Variants in CSMD3 observed in about 807,000 individuals in gnomAD.
CSMD3 encodes CUB and Sushi multiple domains 3, also known as CUB and sushi domain-containing protein 3.
CSMD3 carries 177 observed loss-of-function variants against 435.2 expected under a neutral mutation model. The ratio of observed to expected loss-of-function variants is 0.41; its 90% CI spans 0.36 to 0.46. The LOEUF is 0.46. Ranked by LOEUF, CSMD3 falls within the 20% of genes least tolerant of loss-of-function variation. CSMD3 has a pLI of 0.34. For synonymous variants in CSMD3, 1,656 were observed against 1,520.5 expected (o/e 1.09, Z -2.07); for missense variants, 4,265 against 4,504.6 (o/e 0.95, Z 1.52).
intron 32 of CSMD3, among the ~76,000 whole-genome samples, chr8:112,431,604 A>C (rs1813717681): frequency 6.6e-6 from 1 of 152,104 alleles, no homozygotes; most frequent in Non-Finnish European, 1.5e-5. Flanking sequence ...TGATGGATGA[A>C]TTCTGTATAG....
At chr8:112,903,028 G>A (rs920846235) in intron 10 of CSMD3, among the ~76,000 whole-genome samples, 13 of 150,796 alleles carry the variant, frequency 8.6e-5, no homozygotes, top group South Asian at 6.2e-4. Flanking sequence ...AAATGGTTGA[G>A]GCATATATCA....
chr8:112,775,981 A>T (rs2078235787), intron 13 of CSMD3, among the ~76,000 whole-genome samples: 1 of 151,896 alleles, frequency 6.6e-6, no homozygotes, highest in Non-Finnish European at 1.5e-5. Context: ...CACATTTACA[A>T]CTTCTAGCAT....
At chr8:112,404,604 AC>A (rs1358094719) in intron 35 of CSMD3, among the ~76,000 whole-genome samples, 1 of 152,158 alleles carries the variant, frequency 6.6e-6, no homozygotes, top group African/African-American at 2.4e-5. Context: ...AAATGAATGT[AC>A]CTTCTATGTT....
At chr8:112,263,386 T>A (rs1272640800) in intron 61 of CSMD3, among the ~76,000 whole-genome samples, 1 of 152,140 alleles carries the variant, frequency 6.6e-6, no homozygotes, top group Non-Finnish European at 1.5e-5. Context: ...AGAATAAATT[T>A]AAGGCTGTCT....
chr8:113,308,677 ATAAT>A (rs963362342), intron 2 of CSMD3, among the ~76,000 whole-genome samples: 5 of 152,214 alleles, frequency 3.3e-5, no homozygotes, highest in Non-Finnish European at 5.9e-5. Context: ...TTCTATTTTG[ATAAT>A]TAATTCTTTT....
At chr8:112,390,904 T>C in intron 35 of CSMD3, 116 bp from the exon 36 acceptor site, 1 of 997,032 alleles carries the variant, frequency 1.0e-6, no homozygotes, top group Non-Finnish European at 1.5e-6. Context: ...CAAATCATAC[T>C]TTTTTCAAAA....
At chr8:113,072,111 G>T (rs1417313240) in intron 5 of CSMD3, among the ~76,000 whole-genome samples, 1 of 151,504 alleles carries the variant, frequency 6.6e-6, no homozygotes, top group Admixed American at 6.6e-5. Context: ...ATGGTTTGTT[G>T]TTTCAATATA....
chr8:112,644,531 T>A (rs1264394696), intron 20 of CSMD3, among the ~76,000 whole-genome samples: 1 of 152,026 alleles, frequency 6.6e-6, no homozygotes, highest in African/African-American at 2.4e-5. Flanking sequence ...TACTTATTTG[T>A]TTATTTGTAA....
chr8:112,351,469 T>A (rs953968108), intron 39 of CSMD3, among the ~76,000 whole-genome samples: 4 of 152,006 alleles, frequency 2.6e-5, no homozygotes, highest in East Asian at 1.9e-4. Flanking sequence ...GAAAAAATAA[T>A]ACTTCATATC....
intron 27 of CSMD3, among the ~76,000 whole-genome samples, chr8:112,535,552 C>A (rs1825990232): frequency 6.6e-6 from 1 of 151,984 alleles, no homozygotes; most frequent in African/African-American, 2.4e-5. Context: ...ACATTCCATG[C>A]TCATGGGTAG....
chr8:112,984,069 A>AG (rs1388687287), intron 6 of CSMD3, among the ~76,000 whole-genome samples: 3 of 152,022 alleles, frequency 2.0e-5, no homozygotes, highest in African/African-American at 7.2e-5. Flanking sequence ...AGCATGTTGG[A>AG]GGGGAAAAAA....
chr8:112,530,686 A>C (rs1004266730), intron 27 of CSMD3, among the ~76,000 whole-genome samples: 2 of 152,214 alleles, frequency 1.3e-5, no homozygotes. Context: ...CAGCAAACGT[A>C]CAACACAAGA....
chr8:113,120,666 G>T (rs1348037720), intron 4 of CSMD3, among the ~76,000 whole-genome samples: 1 of 152,092 alleles, frequency 6.6e-6, no homozygotes, highest in Non-Finnish European at 1.5e-5. Context: ...CAAAATTATA[G>T]CTAATCAGTA....
intron 7 of CSMD3, among the ~76,000 whole-genome samples, chr8:112,962,693 T>C (rs1216033112): frequency 6.6e-6 from 1 of 151,966 alleles, no homozygotes; most frequent in East Asian, 1.9e-4. Flanking sequence ...ATAGATGGGT[T>C]CTGATGGTTG....
chr8:113,316,241 G>A (rs1281162212), intron 1 of CSMD3, among the ~76,000 whole-genome samples: 1 of 152,122 alleles, frequency 6.6e-6, no homozygotes, highest in African/African-American at 2.4e-5. Context: ...GCCAGAAGCT[G>A]TAAATCAGAG....
chr8:113,058,347 T>A (rs2088443688), intron 5 of CSMD3, among the ~76,000 whole-genome samples: 1 of 151,984 alleles, frequency 6.6e-6, no homozygotes, highest in African/African-American at 2.4e-5. Context: ...TAAAGTTAAA[T>A]AAAATATGCA....
At chr8:113,209,443 T>C (rs1199011404) in intron 3 of CSMD3, among the ~76,000 whole-genome samples, 1 of 152,156 alleles carries the variant, frequency 6.6e-6, no homozygotes, top group Non-Finnish European at 1.5e-5. Flanking sequence ...TAACAAGTGT[T>C]GCTAGTGCCG....
intron 1 of CSMD3, among the ~76,000 whole-genome samples, chr8:113,345,721 A>C (rs571729000): frequency 6.6e-6 from 1 of 152,118 alleles, no homozygotes; most frequent in Non-Finnish European, 1.5e-5. Flanking sequence ...GTAATAATTC[A>C]TTTAATCATC....
At chr8:112,792,201 CA>C (rs2132294147) in intron 13 of CSMD3, among the ~76,000 whole-genome samples, 1 of 152,210 alleles carries the variant, frequency 6.6e-6, no homozygotes, top group South Asian at 2.1e-4. Context: ...TCCAATTTAT[CA>C]ATTTTTTTAA....
Sources: allele counts gnomAD v4.1 joint callset (sites outside exome capture counted in the v4.1 genomes callset), GRCh38; gene constraint gnomAD v4.1.1; transcripts MANE v1.5; gene names NCBI Gene and HGNC (gene_info 2026-07-23, HGNC 2026-07-21).